Variants in TADA2A observed in about 807,000 individuals in gnomAD.
TADA2A encodes the protein transcriptional adapter 2-alpha.
A neutral mutation model predicts 67.4 loss-of-function variants in TADA2A; 38 were observed. That is an observed-to-expected ratio of 0.56 (90% CI 0.44 to 0.74). TADA2A has a LOEUF of 0.74. Among genes scored for constraint, TADA2A ranks in the 30% least tolerant of loss-of-function variants. TADA2A has a pLI of 0.00. For missense variants in TADA2A, 454 were observed against 547.0 expected, an observed-to-expected ratio of 0.83 and a Z score of 1.70; for synonymous variants, 192 against 181.6, an observed-to-expected ratio of 1.06 and a Z score of -0.46.
intron 2 of TADA2A, among the ~76,000 whole-genome samples, chr17:37,417,154 C>A (rs191683532): frequency 1.3e-5 from 2 of 151,148 alleles, no homozygotes; most frequent in African/African-American, 2.4e-5. Flanking sequence ...CTGAGGCAGA[C>A]GGATCACCTG....
chr17:37,419,889 C>G (rs1478515068), intron 2 of TADA2A, among the ~76,000 whole-genome samples: 1 of 145,388 alleles, frequency 6.9e-6, no homozygotes, highest in Non-Finnish European at 1.5e-5. Context: ...GTGGTGTGCA[C>G]TTGTAGTCCC....
intron 11 of TADA2A, 107 bp from the exon 12 acceptor site, chr17:37,467,347 C>T: frequency 1.2e-6 from 1 of 864,234 alleles, no homozygotes; most frequent in South Asian, 1.6e-5. Flanking sequence ...AATGAACTTC[C>T]CTAGTCTTAT....
At position 37,478,711 on chromosome 17, in the gene TADA2A, G is replaced by GT. The variant is rs370269523; in HGVS notation, c.*1732dup. ...CACAAATCACATCGAATAGTTGACTGTTTAATTCCTTCTACATTCAAATAT... is the reference window on the plus strand; with the variant it reads ...CACAAATCACATCGAATAGTTGACTGTTTTAATTCCTTCTACATTCAAATAT... On this transcript the variant is annotated 3_prime_UTR_variant, in exon 16 of 16. Transcript: ENST00000615182. 2.0e-5 allele frequency: 3 copies of GT among 152,326 alleles called. No individual in the cohort carries two copies. Among genetic ancestry groups the GT allele is most frequent in the African/African-American group, 7.2e-5 (3 of 41,580 alleles). The allele number at this position is 152,326 out of a possible 1,614,324, so 9.4% of individuals were successfully genotyped here.
intron 11 of TADA2A, among the ~76,000 whole-genome samples, chr17:37,466,160 C>T (rs1349687679): frequency 6.6e-6 from 1 of 152,166 alleles, no homozygotes; most frequent in Non-Finnish European, 1.5e-5. Context: ...GTGGCTCACA[C>T]CTGTAATCCC....
At chr17:37,411,739 C>T (rs17137970) in intron 2 of TADA2A, among the ~76,000 whole-genome samples, 35,338 of 151,216 alleles carry the variant, frequency 0.23, 4,521 homozygotes, top group East Asian at 0.54. Flanking sequence ...CTTCAGGTGA[C>T]TATTAATAGC....
Position 37,474,572 on chromosome 17 carries a change from AC to A in TADA2A, c.1092del (p.Leu365Ter). 6.2e-7 allele frequency: 1 copy of A among 1,613,596 alleles called. No homozygotes were observed. The highest frequency in any genetic ancestry group is 8.5e-7 in the Non-Finnish European group (1 of 1,179,878). On this transcript the variant is annotated frameshift_variant, in exon 15 of 16. Coordinates refer to ENST00000615182, the MANE Select transcript of TADA2A (RefSeq NM_001166105.3). LOFTEE classifies it high-confidence loss of function. ...ASNSGRRSAP[P>X]LNLTGLPGTE... is the part of the protein sequence containing the mutation. ...TGTCTATAGGTAGACGGAGTGCACC[AC>A]CCTTGAACCTCACTGGCCTCCCTGG...
intron 8 of TADA2A, among the ~76,000 whole-genome samples, chr17:37,447,208 C>G (rs186404158): frequency 1.3e-5 from 2 of 152,164 alleles, no homozygotes; most frequent in Non-Finnish European, 2.9e-5. Flanking sequence ...GTTAGCCAGG[C>G]GGGAGCGCAG....
intron 12 of TADA2A, among the ~76,000 whole-genome samples, chr17:37,468,062 G>A (rs1568183213): frequency 6.6e-6 from 1 of 151,470 alleles, no homozygotes; most frequent in South Asian, 2.1e-4. Context: ...AGCCTGGGTG[G>A]CAGAGGGAGA....
At chr17:37,474,713 A>C in intron 15 of TADA2A, 84 bp downstream of exon 15, 1 of 1,426,782 alleles carries the variant, frequency 7.0e-7, no homozygotes, top group Non-Finnish European at 9.6e-7. Flanking sequence ...TACAGGGTCA[A>C]ACCCCTTTTG....
Position 37,477,814 on chromosome 17 carries a change from T to C in TADA2A, c.*832T>C, listed in dbSNP as rs189297713. On this transcript the variant is annotated 3_prime_UTR_variant, in exon 16 of 16. Transcript: ENST00000615182. ...GGGGAAGAAAATATCCTTATGATGG[T>C]CTTATCCCAAACTGCATCTTTAACT... The C allele has an allele frequency of 6.6e-6, 1 of 152,202 alleles. No individual in the cohort carries two copies. Among genetic ancestry groups the C allele is most frequent in the African/African-American group, 2.4e-5 (1 of 41,512 alleles). 9.4% of individuals were successfully genotyped at this position (152,202 alleles called of 1,614,324 possible).
intron 10 of TADA2A, among the ~76,000 whole-genome samples, chr17:37,464,567 C>T (rs940056851): frequency 6.6e-5 from 10 of 152,152 alleles, no homozygotes; most frequent in Non-Finnish European, 1.3e-4. Context: ...TGGCCGGGCG[C>T]GGTGGCTCAC....
rs1208495585 is a variant in TADA2A at position 37,423,563 on chromosome 17, C to T, written c.80C>T (p.Pro27Leu). 23 of 1,613,472 alleles carry T rather than the reference C, an allele frequency of 1.4e-5. No individual in the cohort carries two copies. Among genetic ancestry groups the T allele is most frequent in the Non-Finnish European group, 1.9e-5 (22 of 1,179,936 alleles). ...GGCTGCTCCTCCTACCTCATGGAGC[C>T]TTATATCAAGTGTGCTGAATGTGGG... ...CRGCSSYLME[P>L]YIKCAECGPP... The change falls in exon 3 of 16, where the codon CCT (proline) becomes CTT (leucine). Residue 27 changes from proline (P) to leucine (L), a missense_variant. Pro to Leu is a moderately conservative substitution (Grantham distance 98). Around this residue, in one of 2 missense-constraint regions of TADA2A, gnomAD observed 403 missense variants for 455.5 expected, o/e 0.88. Coordinates refer to ENST00000615182, the MANE Select transcript of TADA2A (RefSeq NM_001166105.3).
intron 5 of TADA2A, 76 bp from the exon 6 acceptor site, chr17:37,440,429 G>T (rs2052878892): frequency 6.6e-7 from 1 of 1,521,702 alleles, no homozygotes; most frequent in African/African-American, 1.4e-5. Context: ...CTTAAAATAT[G>T]AAAAGAGCAA....
intron 1 of TADA2A, among the ~76,000 whole-genome samples, chr17:37,410,138 G>A (rs528812095): frequency 6.6e-6 from 1 of 152,142 alleles, no homozygotes; most frequent in East Asian, 1.9e-4. Flanking sequence ...GAACCTGGGA[G>A]GCAGAGGTTG....
intron 4 of TADA2A, among the ~76,000 whole-genome samples, chr17:37,427,527 C>G (rs2052444372): frequency 1.3e-5 from 2 of 152,146 alleles, no homozygotes; most frequent in South Asian, 4.1e-4. Context: ...GGTTTATAAG[C>G]TTGAATAAAA....
At chr17:37,421,851 A>G (rs1482463664) in intron 2 of TADA2A, among the ~76,000 whole-genome samples, 1 of 41,846 alleles carries the variant, frequency 2.4e-5, no homozygotes, top group Non-Finnish European at 3.9e-5. Context: ...TCAAAAGAAC[A>G]GTACAATGAT....
intron 6 of TADA2A, among the ~76,000 whole-genome samples, chr17:37,442,094 C>G (rs750835084): frequency 6.6e-6 from 1 of 151,882 alleles, no homozygotes; most frequent in African/African-American, 2.4e-5. Flanking sequence ...TCGAGAAGAC[C>G]GATGCAGACA....
At chr17:37,425,846 A>G (rs569345840) in intron 3 of TADA2A, among the ~76,000 whole-genome samples, 2 of 149,066 alleles carry the variant, frequency 1.3e-5, no homozygotes, top group African/African-American at 4.9e-5. Context: ...CTGTGGAGAA[A>G]GGGTCTCGCC....
chr17:37,439,930 A>ATT (rs1568155028), intron 5 of TADA2A, among the ~76,000 whole-genome samples: 2 of 111,476 alleles, frequency 1.8e-5, no homozygotes, highest in African/African-American at 6.5e-5. Context: ...TTATTTATTT[A>ATT]TTTATTTATT....
Sources: gnomAD v4.1 joint callset for allele counts (sites outside exome capture counted in the v4.1 genomes callset) on GRCh38, gnomAD v4.1.1 for gene constraint, gnomAD v4.1.1 regional missense constraint, MANE v1.5 for transcripts, NCBI Gene and HGNC (gene_info 2026-07-23, HGNC 2026-07-21) for gene names.